DLGAP2: variants seen among roughly 807,000 people sequenced by gnomAD.
DLGAP2 encodes disks large-associated protein 2.
Under a neutral mutation model 100.3 loss-of-function variants are expected in DLGAP2, and 26 were observed. The ratio of observed to expected loss-of-function variants is 0.26; its 90% CI spans 0.19 to 0.36. The LOEUF (loss-of-function observed/expected upper bound fraction) is 0.36. Among genes scored for constraint, DLGAP2 ranks in the 10% least tolerant of loss-of-function variants. The probability of loss-of-function intolerance (pLI) is 1.00; values close to 1 mark genes in which losing one functional copy is unlikely to be tolerated. For missense variants in DLGAP2, 1,858 were observed against 1,453.2 expected (o/e 1.28, Z -4.53); for synonymous variants, 886 against 630.1 (o/e 1.41, Z -6.08).
At chr8:1,598,899 C>A (rs1433074186) in intron 6 of DLGAP2, among the ~76,000 whole-genome samples, 2 of 151,972 alleles carry the variant, frequency 1.3e-5, no homozygotes, top group Non-Finnish European at 2.9e-5. Flanking sequence ...TATTTCTTGT[C>A]TTATCTTAGC....
At chr8:1,379,102 G>C (rs563185893) in intron 3 of DLGAP2, among the ~76,000 whole-genome samples, 3 of 152,392 alleles carry the variant, frequency 2.0e-5, no homozygotes, top group Admixed American at 1.3e-4. Flanking sequence ...ACAAGACCAG[G>C]AAATGCACAG....
chr8:1,513,010 T>G (rs1019047637), intron 4 of DLGAP2, among the ~76,000 whole-genome samples: 1 of 151,860 alleles, frequency 6.6e-6, no homozygotes, highest in African/African-American at 2.4e-5. Flanking sequence ...CATCTGCCTT[T>G]CCCAGTGCAG....
In DLGAP2 at chr8:1,173,489, T is replaced by G. The variant is rs560830686; in HGVS notation, c.74-85362T>G. Among the ~76,000 whole-genome samples, 430 of 152,316 alleles carry G rather than the reference T, an allele frequency of 2.8e-3. 1 individual carries two copies. The highest frequency in any genetic ancestry group is 9.3e-3 in the African/African-American group (387 of 41,582). On this transcript the variant is annotated intron_variant, in intron 2 of 14. Transcript: ENST00000637795. Reference sequence around the variant, plus strand: ...TGTCTGTGCCCTGCCCCCAGAGGTGTAGCCTACAGAGGCAGGCAGGCCTCC... The same window carrying G: ...TGTCTGTGCCCTGCCCCCAGAGGTGGAGCCTACAGAGGCAGGCAGGCCTCC...
intron 2 of DLGAP2, among the ~76,000 whole-genome samples, chr8:912,621 G>A (rs1002199898): frequency 1.3e-5 from 2 of 151,656 alleles, no homozygotes; most frequent in Non-Finnish European, 2.9e-5. Flanking sequence ...CGTGGTGCCC[G>A]CCTTCCTCTC....
At chr8:1,377,282 C>A (rs113187202) in intron 3 of DLGAP2, among the ~76,000 whole-genome samples, 7,304 of 152,272 alleles carry the variant, frequency 0.048, 439 homozygotes, top group East Asian at 0.23. Context: ...CAGTGGCTCA[C>A]GCCTGTAATC....
chr8:1,258,797 C>T (rs1295311512), intron 2 of DLGAP2, 54 bp from the exon 3 acceptor site: 6 of 1,226,140 alleles, frequency 4.9e-6, no homozygotes, highest in Non-Finnish European at 6.1e-6. Context: ...ATCTTTTTAA[C>T]TGCATGGTTG....
At chr8:1,131,308 G>A (rs531394339) in intron 2 of DLGAP2, among the ~76,000 whole-genome samples, 49 of 152,188 alleles carry the variant, frequency 3.2e-4, no homozygotes, top group African/African-American at 1.1e-3. Flanking sequence ...ATAGATGGGC[G>A]GCTGAAAACA....
chr8:1,200,117 G>A (rs186281200), intron 2 of DLGAP2, among the ~76,000 whole-genome samples: 123 of 152,214 alleles, frequency 8.1e-4, no homozygotes, highest in African/African-American at 2.8e-3. Flanking sequence ...GGGGCGTGGG[G>A]GCCGGGAGCG....
intron 1 of DLGAP2, among the ~76,000 whole-genome samples, chr8:789,114 C>G (rs1821955631): frequency 6.6e-6 from 1 of 152,174 alleles, no homozygotes; most frequent in Non-Finnish European, 1.5e-5. Context: ...GTGTGATTTG[C>G]AAATATTTTC....
In DLGAP2 at chr8:950,066, C is replaced by T. The variant is rs183444873; in HGVS notation, c.73+42100C>T. ...CAGGGGACCCAGGTCTTTAGGACGC[C>T]TTATCTGCCCGGCAGCACCTGCCTT... On this transcript the variant is annotated intron_variant, in intron 2 of 14. Transcript: ENST00000637795. Among the ~76,000 whole-genome samples, 535 of 152,284 alleles carry T rather than the reference C, an allele frequency of 3.5e-3. 6 individuals are homozygous for T. Among genetic ancestry groups the T allele is most frequent in the African/African-American group, 0.012 (513 of 41,570 alleles).
At chr8:909,711 G>T (rs966657576) in intron 2 of DLGAP2, among the ~76,000 whole-genome samples, 4 of 152,116 alleles carry the variant, frequency 2.6e-5, no homozygotes, top group African/African-American at 9.7e-5. Context: ...TTTAATATTC[G>T]GTGTGGATAA....
intron 2 of DLGAP2, among the ~76,000 whole-genome samples, chr8:1,230,057 A>G (rs1798503389): frequency 2.0e-5 from 3 of 152,150 alleles, no homozygotes; most frequent in African/African-American, 7.2e-5. Context: ...AAATAATAAA[A>G]CAGGAAGTCA....
rs145530294 is a variant in DLGAP2, at chr8:983,836, C to T, written c.73+75870C>T. 4.4e-3 allele frequency among the ~76,000 whole-genome samples: 663 copies of T among 151,948 alleles called. 6 individuals are homozygous for T. The highest frequency in any genetic ancestry group is 0.015 in the African/African-American group (619 of 41,424). ...AATTTTTTTTGTAGAGACCAGGTCT[C>T]GCTTTGTTGCCCAGGCTGGTCTTGA... On this transcript the variant is annotated intron_variant, in intron 2 of 14. Transcript: ENST00000637795.
chr8:1,699,471 A>G (rs1438515406), intron 14 of DLGAP2, among the ~76,000 whole-genome samples: 2 of 151,446 alleles, frequency 1.3e-5, no homozygotes, highest in African/African-American at 2.4e-5. Flanking sequence ...AAAATTAGCC[A>G]GGCGTGGTGG....
At chr8:1,641,582 G>A (rs570863967) in intron 8 of DLGAP2, among the ~76,000 whole-genome samples, 3 of 152,244 alleles carry the variant, frequency 2.0e-5, no homozygotes, top group Non-Finnish European at 2.9e-5. Flanking sequence ...AACGATCTGC[G>A]TCTGTCCTAT....
intron 2 of DLGAP2, among the ~76,000 whole-genome samples, chr8:1,176,968 G>T (rs1166066093): frequency 6.6e-6 from 1 of 152,194 alleles, no homozygotes; most frequent in Non-Finnish European, 1.5e-5. Context: ...GCAAGTCACG[G>T]TTCACACAAG....
chr8:1,648,085 G>A (rs1198102912), intron 8 of DLGAP2, among the ~76,000 whole-genome samples: 2 of 152,206 alleles, frequency 1.3e-5, no homozygotes, highest in African/African-American at 4.8e-5. Flanking sequence ...ACCCGTGCGT[G>A]TACCGTGCCA....
chr8:1,458,188 G>C (rs1426288169), intron 3 of DLGAP2, among the ~76,000 whole-genome samples: 1 of 151,744 alleles, frequency 6.6e-6, no homozygotes, highest in South Asian at 2.1e-4. Context: ...TTACAGGCAT[G>C]AGCCACCACA....
chr8:918,681 C>T (rs1248526639), intron 2 of DLGAP2, among the ~76,000 whole-genome samples: 2 of 152,180 alleles, frequency 1.3e-5, no homozygotes, highest in East Asian at 3.8e-4. Flanking sequence ...ATTGTGTTAA[C>T]CCACCCTGTT....
Sources: gnomAD v4.1 joint callset for allele counts (sites outside exome capture counted in the v4.1 genomes callset) on GRCh38, gnomAD v4.1.1 for gene constraint, MANE v1.5 for transcripts, NCBI Gene and HGNC (gene_info 2026-07-23, HGNC 2026-07-21) for gene names.